Variants in DNAJC16 observed in about 807,000 individuals in gnomAD.
The protein encoded by DNAJC16 is DnaJ heat shock protein family (Hsp40) member C16.
Under a neutral mutation model 92.7 loss-of-function variants are expected in DNAJC16, and 76 were observed. The observed-to-expected ratio is 0.82, with a 90% confidence interval of 0.68 to 0.99. The LOEUF is 0.99. Among genes scored for constraint, DNAJC16 ranks in the 50% least tolerant of loss-of-function variants. The probability of loss-of-function intolerance (pLI) is 0.00; values close to 1 mark genes in which losing one functional copy is unlikely to be tolerated. For missense variants in DNAJC16, 869 were observed against 942.4 expected (o/e 0.92, Z 1.02); for synonymous variants, 328 against 358.7 (o/e 0.91, Z 0.97).
chr1:15,557,963 T>TA (rs1329574491), intron 7 of DNAJC16, among the ~76,000 whole-genome samples: 1 of 151,912 alleles, frequency 6.6e-6, no homozygotes. Context: ...CCCAGGCTGG[T>TA]ATGCTCTCCC....
chr1:15,549,655 A>C (rs566120167), intron 7 of DNAJC16, among the ~76,000 whole-genome samples: 1 of 152,094 alleles, frequency 6.6e-6, no homozygotes, highest in African/African-American at 2.4e-5. Context: ...TCTACTAAAA[A>C]TACAAAAAAT....
chr1:15,548,160 G>A lies in DNAJC16; in HGVS notation c.865-110G>A, dbSNP rs113029332. On this transcript the variant is annotated intron_variant, in intron 6 of 14. Transcript: ENST00000375847. ...GATACGGAAGACCTAGTGGAGCTGT[G>A]TAAGCTGGCATGTACCTCTCTGCTC... is the stretch of plus-strand genomic sequence containing the variant. 2.8e-3 allele frequency: 2,943 copies of A among 1,049,136 alleles called. 67 individuals are homozygous for A. The African/African-American group carries it at 0.039, about 14-fold the overall frequency. 65.0% of individuals were successfully genotyped at this position (1,049,136 alleles called of 1,614,324 possible). A position where few individuals can be genotyped will look rare whatever the true frequency, so the allele number is the denominator to read the frequency against.
At chr1:15,527,258 G>A (rs1323924475) in intron 1 of DNAJC16, among the ~76,000 whole-genome samples, 1 of 152,190 alleles carries the variant, frequency 6.6e-6, no homozygotes, top group Non-Finnish European at 1.5e-5. Flanking sequence ...TTGGGCAGGT[G>A]TTTGCTGCTC....
chr1:15,563,622 T>G (rs1481654155), intron 9 of DNAJC16, among the ~76,000 whole-genome samples: 3 of 131,516 alleles, frequency 2.3e-5, no homozygotes, highest in Non-Finnish European at 4.6e-5. Context: ...GGTCAGGAGA[T>G]CGAGACCATC....
chr1:15,555,746 G>A (rs1305355386), intron 7 of DNAJC16, among the ~76,000 whole-genome samples: 1 of 150,424 alleles, frequency 6.6e-6, no homozygotes, highest in East Asian at 2.0e-4. Flanking sequence ...CTAGCACTTT[G>A]GGAGGCCAAG....
intron 7 of DNAJC16, among the ~76,000 whole-genome samples, chr1:15,553,517 A>T (rs1365203071): frequency 6.6e-6 from 1 of 152,204 alleles, no homozygotes; most frequent in Non-Finnish European, 1.5e-5. Context: ...TACAGACGTG[A>T]GTCACCGCAC....
In DNAJC16 at chr1:15,547,434, C is replaced by CTA. The variant is rs747432364; in HGVS notation, c.864+564_864+565insAT. Among the ~76,000 whole-genome samples the CTA allele has an allele frequency of 4.7e-5, 7 of 149,668 alleles. No individual in the cohort carries two copies. In the South Asian group the frequency reaches 6.4e-4, roughly 14 times the overall value. On this transcript the variant is annotated intron_variant, in intron 6 of 14. Coordinates refer to ENST00000375847, the MANE Select transcript of DNAJC16 (RefSeq NM_015291.4). ...TTGCTGGGATTACAGGCATGAGCCA[C>CTA]TGTGATGGGCTTTTTTTTTTTTTTC...
chr1:15,527,830 T>C (rs1482404189), intron 1 of DNAJC16, among the ~76,000 whole-genome samples: 1 of 152,224 alleles, frequency 6.6e-6, no homozygotes, highest in Non-Finnish European at 1.5e-5. Context: ...CAGAAGACAC[T>C]TGAACCTTAA....
At position 15,544,485 on chromosome 1, in the gene DNAJC16, A is replaced by G. The variant is rs554936287; in HGVS notation, c.661A>G (p.Ile221Val). The stretch of plus-strand genomic sequence containing the variant: ...ACACAGCACGCCCTCTATCCTAGGA[A>G]TCATTAACGGGAAAATCTCCTTCTT... ...GAHSTPSILG[I>V]INGKISFFHN... is the part of the protein sequence containing the mutation. Residue 221 changes from isoleucine (I) to valine (V), a missense_variant, in exon 5 of 15, where the codon ATC becomes GTC. Physicochemically the swap from Ile to Val is conservative, Grantham distance 29. Transcript: ENST00000375847. 1.1e-5 allele frequency: 18 copies of G among 1,614,184 alleles called. No individual in the cohort carries two copies. In the Admixed American group the frequency reaches 1.3e-4, roughly 12 times the overall value.
In DNAJC16 at chr1:15,568,999, T is replaced by C. The variant is rs1203580401; in HGVS notation, c.*822T>C. On this transcript the variant is annotated 3_prime_UTR_variant, in exon 15 of 15. Transcript: ENST00000375847. Reference sequence around the variant, plus strand: ...ATGTCTTCAGATGCCTTTCTGCCTCTGTCGATTTTAGGGTATGGATATTAG... The same window carrying C: ...ATGTCTTCAGATGCCTTTCTGCCTCCGTCGATTTTAGGGTATGGATATTAG... 3.4e-6 allele frequency: 1 copy of C among 292,900 alleles called. No homozygotes were observed. The highest frequency in any genetic ancestry group is 5.6e-5 in the East Asian group (1 of 17,796). The allele number at this position is 292,900 out of a possible 1,614,324, so 18.1% of individuals were successfully genotyped here.
At chr1:15,537,569 C>CT (rs1710822539) in intron 4 of DNAJC16, among the ~76,000 whole-genome samples, 5 of 152,192 alleles carry the variant, frequency 3.3e-5, no homozygotes, top group Admixed American at 3.3e-4. Context: ...CAGATACCTT[C>CT]GTTTGAAACT....
At chr1:15,555,569 G>C (rs1638550452) in intron 7 of DNAJC16, among the ~76,000 whole-genome samples, 1 of 149,042 alleles carries the variant, frequency 6.7e-6, no homozygotes, top group African/African-American at 2.5e-5. Context: ...TGTAATCCTA[G>C]CTCCTTAGAA....
In DNAJC16 at chr1:15,559,529, C is replaced by G. The variant is rs373355549; in HGVS notation, c.1027C>G (p.Arg343Gly). The stretch of plus-strand genomic sequence containing the variant: ...CTGATTCTTGGTTTTTCTCTAGGCC[C>G]GAGGTATGAAGAAGCAAATCATTGA... ...INRPADVIQA[R>G]GMKKQIIDDF... The change falls in exon 8 of 15, where the codon CGA (arginine) becomes GGA (glycine). Residue 343 changes from arginine to glycine, a missense_variant. Coordinates refer to ENST00000375847, the MANE Select transcript of DNAJC16 (RefSeq NM_015291.4). 1 of 1,613,922 alleles carries G rather than the reference C, an allele frequency of 6.2e-7. No individual in the cohort carries two copies.
At chr1:15,561,698 G>T (rs6429749) in intron 8 of DNAJC16, among the ~76,000 whole-genome samples, 1 of 151,576 alleles carries the variant, frequency 6.6e-6, no homozygotes, top group Non-Finnish European at 1.5e-5. Flanking sequence ...AAAATAAAAT[G>T]AAAGGCCCTG....
chr1:15,562,445 T>G, intron 9 of DNAJC16, 120 bp downstream of exon 9: 3 of 1,109,964 alleles, frequency 2.7e-6, no homozygotes, highest in Non-Finnish European at 3.7e-6. Flanking sequence ...CTCTGAAGCC[T>G]ATTTTCAAAG....
chr1:15,558,050 T>C (rs1211417112), intron 7 of DNAJC16, among the ~76,000 whole-genome samples: 1 of 152,020 alleles, frequency 6.6e-6, no homozygotes, highest in South Asian at 2.1e-4. Flanking sequence ...TTTGTACTTT[T>C]AGTAGAGACA....
rs371276932 is a variant in DNAJC16, at chr1:15,567,047, C to T, written c.1779-52C>T. On this transcript the variant is annotated intron_variant, in intron 13 of 14. Transcript: ENST00000375847. ...TTTCAGCTGTTTCTTTTCAAAGTAACGGCTTTCCCCCTATCCTGACAGCAT... is the reference window on the plus strand; with the variant it reads ...TTTCAGCTGTTTCTTTTCAAAGTAATGGCTTTCCCCCTATCCTGACAGCAT... The T allele has an allele frequency of 3.3e-5, 50 of 1,534,658 alleles. No individual in the cohort carries two copies. The Middle Eastern group carries it at 8.7e-4, about 27-fold the overall frequency.
At chr1:15,539,661 C>T (rs1244266536) in intron 4 of DNAJC16, among the ~76,000 whole-genome samples, 4 of 152,110 alleles carry the variant, frequency 2.6e-5, no homozygotes, top group Non-Finnish European at 4.4e-5. Context: ...CCTGCTGCCT[C>T]AGCCTCCCAA....
At chr1:15,553,871 A>T (rs1332320980) in intron 7 of DNAJC16, among the ~76,000 whole-genome samples, 1 of 152,132 alleles carries the variant, frequency 6.6e-6, no homozygotes. Context: ...TGAGATTCAT[A>T]CATGTCATTA....
Sources: allele counts gnomAD v4.1 joint callset (sites outside exome capture counted in the v4.1 genomes callset), GRCh38; gene constraint gnomAD v4.1.1; transcripts MANE v1.5; gene names NCBI Gene and HGNC (gene_info 2026-07-23, HGNC 2026-07-21).